Variants in LARP1B observed in about 807,000 individuals in gnomAD.
The protein encoded by LARP1B is La ribonucleoprotein 1B.
A neutral mutation model predicts 114.2 loss-of-function variants in LARP1B; 76 were observed. The ratio of observed to expected loss-of-function variants is 0.67; its 90% CI spans 0.55 to 0.81. LARP1B has a LOEUF of 0.81. Among genes scored for constraint, LARP1B ranks in the 30% least tolerant of loss-of-function variants. The pLI, the probability that LARP1B is intolerant of heterozygous loss-of-function variation, is 0.00. For synonymous variants in LARP1B, 345 were observed against 348.0 expected, an observed-to-expected ratio of 0.99 and a Z score of 0.10; for missense variants, 1,014 against 1,075.8, an observed-to-expected ratio of 0.94 and a Z score of 0.80.
At chr4:128,137,955 A>C (rs1726201409) in intron 11 of LARP1B, among the ~76,000 whole-genome samples, 1 of 151,918 alleles carries the variant, frequency 6.6e-6, no homozygotes, top group Non-Finnish European at 1.5e-5. Context: ...AACCTGGCTA[A>C]TTTTGGAATA....
chr4:128,152,437 C>T (rs1227808391), intron 11 of LARP1B, among the ~76,000 whole-genome samples: 3 of 151,550 alleles, frequency 2.0e-5, no homozygotes, highest in South Asian at 2.1e-4. Flanking sequence ...CTCCTGACCT[C>T]GTGATCCACC....
chr4:128,107,743 G>A (rs2149804032), intron 9 of LARP1B: 1 of 1,478,854 alleles, frequency 6.8e-7, no homozygotes, highest in Non-Finnish European at 8.9e-7. Context: ...AAAATGACCT[G>A]CATTCTAAAT....
intron 1 of LARP1B, among the ~76,000 whole-genome samples, chr4:128,067,353 T>G (rs1221743167): frequency 6.6e-6 from 1 of 152,196 alleles, no homozygotes; most frequent in Non-Finnish European, 1.5e-5. Flanking sequence ...ACTCTGTTAA[T>G]GAGGTAAAGG....
chr4:128,199,056 T>A (rs879623750), intron 15 of LARP1B, among the ~76,000 whole-genome samples: 1 of 152,236 alleles, frequency 6.6e-6, no homozygotes, highest in Non-Finnish European at 1.5e-5. Context: ...ATTTTATCCC[T>A]AATCTCCATG....
intron 15 of LARP1B, among the ~76,000 whole-genome samples, chr4:128,184,371 A>G (rs1284027556): frequency 6.6e-6 from 1 of 152,200 alleles, no homozygotes; most frequent in Non-Finnish European, 1.5e-5. Context: ...ACCAGCAAAA[A>G]GACTATGACT....
At chr4:128,157,545 G>T (rs952191566) in intron 11 of LARP1B, among the ~76,000 whole-genome samples, 31 of 152,084 alleles carry the variant, frequency 2.0e-4, no homozygotes, top group African/African-American at 7.2e-4. Flanking sequence ...ACCTCATCAA[G>T]ACCATATAAA....
At chr4:128,165,735 G>A (rs1740522918) in intron 12 of LARP1B, among the ~76,000 whole-genome samples, 1 of 152,052 alleles carries the variant, frequency 6.6e-6, no homozygotes, top group Non-Finnish European at 1.5e-5. Flanking sequence ...TATAAGAGGG[G>A]TCAAATCAGT....
Position 128,077,936 on chromosome 4 carries a change from CTCAG to C in LARP1B, c.195_198del (p.Ser66ValfsTer17). 1 of 1,605,734 alleles carries C rather than the reference CTCAG, an allele frequency of 6.2e-7. No individual in the cohort carries two copies. Among genetic ancestry groups the C allele is most frequent in the South Asian group, 1.1e-5 (1 of 88,552 alleles). On this transcript the variant is annotated frameshift_variant, in exon 4 of 20. Coordinates refer to ENST00000326639, the MANE Select transcript of LARP1B (RefSeq NM_018078.4). LOFTEE classifies it high-confidence loss of function. ...GGTGAAAACGTCAGTGAGGATGAGG[CTCAG>C]TCAAGTAATCAACGTAAGAGAGGTC...
chr4:128,110,033 A>G (rs911276909), intron 9 of LARP1B, among the ~76,000 whole-genome samples: 1 of 152,088 alleles, frequency 6.6e-6, no homozygotes, highest in African/African-American at 2.4e-5. Context: ...CCTCCCGAGT[A>G]GCTGAGATTA....
At chr4:128,182,115 T>TC (rs1256597866) in intron 15 of LARP1B, among the ~76,000 whole-genome samples, 1 of 143,610 alleles carries the variant, frequency 7.0e-6, no homozygotes, top group Non-Finnish European at 1.5e-5. Flanking sequence ...CCCGGCCTTT[T>TC]TTTTTTTTTT....
intron 11 of LARP1B, among the ~76,000 whole-genome samples, chr4:128,143,861 A>G (rs1729189479): frequency 6.6e-6 from 1 of 151,442 alleles, no homozygotes; most frequent in Non-Finnish European, 1.5e-5. Context: ...GTACTAGAAC[A>G]TTTTACATGG....
intron 11 of LARP1B, among the ~76,000 whole-genome samples, chr4:128,127,379 T>C (rs1395893961): frequency 6.6e-6 from 1 of 152,212 alleles, no homozygotes; most frequent in African/African-American, 2.4e-5. Flanking sequence ...AGTAAATGAA[T>C]CTAATATTTA....
intron 8 of LARP1B, among the ~76,000 whole-genome samples, chr4:128,101,588 T>C (rs1780349314): frequency 6.6e-6 from 1 of 151,222 alleles, no homozygotes; most frequent in Non-Finnish European, 1.5e-5. Flanking sequence ...CAAAATTTGC[T>C]CTTAGAGCAA....
rs113169060 is a variant in LARP1B, at chr4:128,091,758, G to A, written c.668+246G>A. On this transcript the variant is annotated intron_variant, in intron 7 of 19. Coordinates refer to ENST00000326639, the MANE Select transcript of LARP1B (RefSeq NM_018078.4). Reference sequence around the variant, plus strand: ...ATTACAGGCACATGCCACCACACCTGGCTAATTTTTGTAGTTCTGGTAGAG... The same window carrying A: ...ATTACAGGCACATGCCACCACACCTAGCTAATTTTTGTAGTTCTGGTAGAG... Among the ~76,000 whole-genome samples the A allele has an allele frequency of 8.6e-4, 131 of 152,114 alleles. 1 individual carries two copies. Among genetic ancestry groups the A allele is most frequent in the Middle Eastern group, 3.4e-3 (1 of 294 alleles).
chr4:128,122,838 T>C, intron 11 of LARP1B: 1 of 1,052,020 alleles, frequency 9.5e-7, no homozygotes, highest in Non-Finnish European at 1.1e-6. Flanking sequence ...TAAGGTAAAA[T>C]AGAGAACCAG....
intron 15 of LARP1B, among the ~76,000 whole-genome samples, chr4:128,193,785 T>C (rs1753085090): frequency 6.6e-6 from 1 of 151,496 alleles, no homozygotes; most frequent in South Asian, 2.1e-4. Flanking sequence ...CCCAGCTAAT[T>C]TTTTGTATTT....
chr4:128,205,920 C>T (rs1350182585), intron 17 of LARP1B, among the ~76,000 whole-genome samples: 1 of 152,130 alleles, frequency 6.6e-6, no homozygotes. Context: ...TCTCAGTATA[C>T]CTTCATGATG....
intron 7 of LARP1B, among the ~76,000 whole-genome samples, chr4:128,096,080 G>A (rs1290004389): frequency 1.4e-5 from 2 of 145,388 alleles, no homozygotes; most frequent in Admixed American, 7.1e-5. Context: ...TGCAAGCTCC[G>A]CCTCCCGGGT....
At chr4:128,213,044 G>A (rs1014983401), downstream of LARP1B, among the ~76,000 whole-genome samples, 2 of 148,762 alleles carry the variant, frequency 1.3e-5, no homozygotes, top group African/African-American at 4.9e-5. Context: ...TCAGCCTTCC[G>A]AGTAGCTGGG....
Sources: allele counts gnomAD v4.1 joint callset (sites outside exome capture counted in the v4.1 genomes callset), GRCh38; gene constraint gnomAD v4.1.1; transcripts MANE v1.5; gene names NCBI Gene and HGNC (gene_info 2026-07-23, HGNC 2026-07-21).